ADAMTS9: variants seen among roughly 807,000 people sequenced by gnomAD.
The protein encoded by ADAMTS9 is ADAM metallopeptidase with thrombospondin type 1 motif 9, also known as A disintegrin and metalloproteinase with thrombospondin motifs 9.
ADAMTS9 carries 107 observed loss-of-function variants against 257.1 expected under a neutral mutation model. The ratio of observed to expected loss-of-function variants is 0.42; its 90% confidence interval spans 0.36 to 0.49. The LOEUF is 0.49. Ranked by LOEUF, ADAMTS9 falls within the 20% of genes least tolerant of loss-of-function variation. The pLI is 0.03. For missense variants in ADAMTS9, 2,353 were observed against 2,469.1 expected (o/e 0.95, Z 1.00); for synonymous variants, 982 against 880.9 (o/e 1.11, Z -2.03).
chr3:64,553,037 T>A (rs376353528), intron 30 of ADAMTS9, among the ~76,000 whole-genome samples: 132 of 152,348 alleles, frequency 8.7e-4, no homozygotes, highest in African/African-American at 3.2e-3. Context: ...TGTCTTTTTT[T>A]TTTTGGTGAT....
intron 11 of ADAMTS9, among the ~76,000 whole-genome samples, chr3:64,646,120 G>A (rs1183782976): frequency 2.6e-5 from 4 of 152,172 alleles, no homozygotes. Context: ...AATAGACATA[G>A]TGGGTGGATC....
intron 3 of ADAMTS9, among the ~76,000 whole-genome samples, chr3:64,665,219 G>A (rs1260136073): frequency 6.6e-6 from 1 of 152,184 alleles, no homozygotes; most frequent in Non-Finnish European, 1.5e-5. Context: ...AAGGACATGA[G>A]TTAATACAGG....
Position 64,541,432 on chromosome 3 carries a change from A to G in ADAMTS9, c.5293-18T>C, listed in dbSNP as rs754636586. ...CAGAATATCTGAAAGACCATAAATA[A>G]CCCATGAAGAGTGGCTCAGAAATGA... is the stretch of plus-strand genomic sequence containing the variant. On this transcript the variant is annotated intron_variant, in intron 34 of 39. Coordinates refer to ENST00000498707, the MANE Select transcript of ADAMTS9 (RefSeq NM_182920.2). The G allele has an allele frequency of 3.1e-6, 5 of 1,613,120 alleles. No individual in the cohort carries two copies. The South Asian group carries it at 5.5e-5, about 18-fold the overall frequency.
intron 37 of ADAMTS9, among the ~76,000 whole-genome samples, chr3:64,535,658 A>G (rs902122039): frequency 6.8e-6 from 1 of 146,648 alleles, no homozygotes; most frequent in Non-Finnish European, 1.5e-5. Context: ...GGTTCAAATG[A>G]TTCTCCTACC....
chr3:64,550,751 C>T lies in ADAMTS9; in HGVS notation c.4869+141G>A. On this transcript the variant is annotated intron_variant, in intron 31 of 39. Coordinates refer to ENST00000498707, the MANE Select transcript of ADAMTS9 (RefSeq NM_182920.2). Reference sequence around the variant, plus strand: ...TAGCTTGGGAAAGCTGAGGACTTGTCAGAAAACACACAGTTCACAGTGGCA... The same window carrying T: ...TAGCTTGGGAAAGCTGAGGACTTGTTAGAAAACACACAGTTCACAGTGGCA... 2.9e-6 allele frequency: 3 copies of T among 1,024,474 alleles called. No individual in the cohort carries two copies. In the Admixed American group the frequency reaches 7.8e-5, roughly 27 times the overall value. The allele number at this position is 1,024,474 out of a possible 1,614,324, so 63.5% of individuals were successfully genotyped here.
At chr3:64,674,529 T>C (rs1701577449) in intron 3 of ADAMTS9, among the ~76,000 whole-genome samples, 1 of 152,202 alleles carries the variant, frequency 6.6e-6, no homozygotes, top group Non-Finnish European at 1.5e-5. Context: ...GTAAATGAAA[T>C]AACCATAATG....
At chr3:64,664,158 C>G (rs1482442265) in intron 3 of ADAMTS9, among the ~76,000 whole-genome samples, 1 of 152,068 alleles carries the variant, frequency 6.6e-6, no homozygotes, top group East Asian at 1.9e-4. Flanking sequence ...TTAATCAGAA[C>G]GGGCTACCTA....
At chr3:64,674,135 C>T (rs1281064105) in intron 3 of ADAMTS9, among the ~76,000 whole-genome samples, 2 of 151,196 alleles carry the variant, frequency 1.3e-5, no homozygotes, top group Non-Finnish European at 2.9e-5. Context: ...TTATAAGTAC[C>T]ATTCAGTAGA....
intron 30 of ADAMTS9, among the ~76,000 whole-genome samples, chr3:64,560,148 A>C (rs1234016498): frequency 1.3e-5 from 2 of 152,210 alleles, no homozygotes; most frequent in African/African-American, 4.8e-5. Context: ...AGAAATCAAG[A>C]ATCCTTGTTC....
intron 11 of ADAMTS9, among the ~76,000 whole-genome samples, chr3:64,644,460 T>C (rs528689819): frequency 1.3e-4 from 20 of 152,332 alleles, no homozygotes; most frequent in Admixed American, 1.2e-3. Context: ...ATGAGATGGC[T>C]AGGTAAGACT....
rs1559786250 is a variant in ADAMTS9 at position 64,601,879 on chromosome 3, G to A, written c.4017+65C>T. 3.3e-6 allele frequency: 5 copies of A among 1,509,762 alleles called. No individual in the cohort carries two copies. The East Asian group carries it at 9.1e-5, about 27-fold the overall frequency. The allele number at this position is 1,509,762 out of a possible 1,614,324, so 93.5% of individuals were successfully genotyped here. On this transcript the variant is annotated intron_variant, in intron 26 of 39. Coordinates refer to ENST00000498707, the MANE Select transcript of ADAMTS9 (RefSeq NM_182920.2). ...AAAATATGCTCTAAAGGTGTTTCTAGTCTCTTTTACCCTAAACCCAACCTC... is the reference window on the plus strand; with the variant it reads ...AAAATATGCTCTAAAGGTGTTTCTAATCTCTTTTACCCTAAACCCAACCTC...
At chr3:64,682,950 T>A (rs550251659) in intron 2 of ADAMTS9, among the ~76,000 whole-genome samples, 7 of 152,226 alleles carry the variant, frequency 4.6e-5, no homozygotes, top group Non-Finnish European at 7.3e-5. Context: ...AGATTCAGAA[T>A]TTCTAGGGAT....
At chr3:64,585,790 C>CT (rs977382445) in intron 28 of ADAMTS9, among the ~76,000 whole-genome samples, 2 of 152,068 alleles carry the variant, frequency 1.3e-5, no homozygotes, top group African/African-American at 4.8e-5. Flanking sequence ...ATACTGGTTG[C>CT]TTTTTTCTTA....
intron 21 of ADAMTS9, chr3:64,614,807 A>G (rs1211877841): frequency 6.6e-6 from 1 of 150,980 alleles, no homozygotes; most frequent in African/African-American, 2.4e-5. Context: ...AAAGGCATAA[A>G]TCTGGAATAC....
chr3:64,524,042 C>T (rs1008478545), intron 38 of ADAMTS9, among the ~76,000 whole-genome samples: 1 of 152,144 alleles, frequency 6.6e-6, no homozygotes, highest in Admixed American at 6.5e-5. Context: ...ACTGATAATA[C>T]TGTTTGGATC....
At chr3:64,680,965 G>C (rs561493300) in intron 3 of ADAMTS9, among the ~76,000 whole-genome samples, 1 of 152,286 alleles carries the variant, frequency 6.6e-6, no homozygotes, top group African/African-American at 2.4e-5. Flanking sequence ...TCACTGCTTT[G>C]AGTTCAAATC....
At chr3:64,645,480 A>G (rs1700765690) in intron 11 of ADAMTS9, among the ~76,000 whole-genome samples, 2 of 152,202 alleles carry the variant, frequency 1.3e-5, no homozygotes, top group Admixed American at 1.3e-4. Context: ...AAAGAAAGAA[A>G]AAACATTAAC....
chr3:64,655,741 G>A (rs749752515), intron 5 of ADAMTS9, 50 bp from the exon 6 acceptor site: 2 of 1,583,546 alleles, frequency 1.3e-6, no homozygotes, highest in Non-Finnish European at 1.7e-6. Context: ...ATCCCAATTA[G>A]ATATGCCATT....
At chr3:64,528,851 C>G (rs1286218450) in intron 38 of ADAMTS9, among the ~76,000 whole-genome samples, 1 of 152,136 alleles carries the variant, frequency 6.6e-6, no homozygotes, top group Non-Finnish European at 1.5e-5. Flanking sequence ...TATAGATGAA[C>G]AAACTGAGTC....
Sources: gnomAD v4.1 joint callset for allele counts (sites outside exome capture counted in the v4.1 genomes callset) on GRCh38, gnomAD v4.1.1 for gene constraint, MANE v1.5 for transcripts, NCBI Gene and HGNC (gene_info 2026-07-23, HGNC 2026-07-21) for gene names.